Variants in NTRK2 observed in about 807,000 individuals in gnomAD.
The protein encoded by NTRK2 is BDNF/NT-3 growth factors receptor.
In NTRK2, 13 loss-of-function variants were observed where a neutral mutation model predicts 94.5. The observed-to-expected ratio is 0.14, with a 90% CI of 0.09 to 0.22. NTRK2 has a LOEUF of 0.22. Among genes scored for constraint, NTRK2 ranks in the 10% least tolerant of loss-of-function variants. NTRK2 has a pLI of 1.00. For missense variants in NTRK2, 639 were observed against 1,071.2 expected (o/e 0.60, Z 5.63); for synonymous variants, 372 against 407.4 (o/e 0.91, Z 1.05).
intron 2 of NTRK2, among the ~76,000 whole-genome samples, chr9:84,678,163 A>AT (rs1319050510): frequency 1.3e-5 from 2 of 152,228 alleles, no homozygotes; most frequent in East Asian, 3.9e-4. Flanking sequence ...GAGTTGTAAA[A>AT]TTTTCTGAAT....
chr9:84,902,195 A>T (rs538922920), intron 14 of NTRK2, among the ~76,000 whole-genome samples: 101 of 142,990 alleles, frequency 7.1e-4, no homozygotes, highest in African/African-American at 2.6e-3. Context: ...GATTCTGTCT[A>T]AAAAAAAAAA....
intron 9 of NTRK2, among the ~76,000 whole-genome samples, chr9:84,734,668 A>G (rs1442212011): frequency 6.6e-6 from 1 of 152,124 alleles, no homozygotes; most frequent in Non-Finnish European, 1.5e-5. Context: ...TGGTTTGATG[A>G]AAGGAAGTTC....
chr9:84,999,515 T>C (rs1343358259), intron 17 of NTRK2, among the ~76,000 whole-genome samples: 1 of 152,240 alleles, frequency 6.6e-6, no homozygotes, highest in Non-Finnish European at 1.5e-5. Flanking sequence ...GTACTATTGC[T>C]ATACTGATAC....
At chr9:84,728,730 T>A (rs1421409309) in intron 9 of NTRK2, among the ~76,000 whole-genome samples, 1 of 152,142 alleles carries the variant, frequency 6.6e-6, no homozygotes, top group East Asian at 1.9e-4. Context: ...TAATAGTGCT[T>A]CTCTGGCCAA....
intron 14 of NTRK2, among the ~76,000 whole-genome samples, chr9:84,891,505 A>G (rs1469430748): frequency 2.0e-5 from 3 of 152,192 alleles, no homozygotes; most frequent in African/African-American, 7.2e-5. Context: ...GAACTCTTGT[A>G]TAAGCTGTGG....
intron 12 of NTRK2, among the ~76,000 whole-genome samples, chr9:84,801,479 T>C (rs1277391085): frequency 6.6e-6 from 1 of 152,170 alleles, no homozygotes; most frequent in East Asian, 1.9e-4. Context: ...TGATGAGCAT[T>C]CAGTAGAAAG....
chr9:84,800,785 C>T (rs760775383), intron 12 of NTRK2, among the ~76,000 whole-genome samples: 1 of 152,144 alleles, frequency 6.6e-6, no homozygotes, highest in Non-Finnish European at 1.5e-5. Flanking sequence ...GGGCACGAGC[C>T]CACCCTGTAG....
intron 9 of NTRK2, among the ~76,000 whole-genome samples, chr9:84,734,631 AC>A (rs1397257973): frequency 6.6e-6 from 1 of 152,174 alleles, no homozygotes; most frequent in Non-Finnish European, 1.5e-5. Flanking sequence ...TGTTCTCATG[AC>A]AGTGAATAAG....
At position 84,867,417 on chromosome 9, in the gene NTRK2, T is replaced by A. The variant is rs1201591880; in HGVS notation, c.1619T>A (p.Leu540His). 2.5e-6 allele frequency: 4 copies of A among 1,613,626 alleles called. No individual in the cohort carries two copies. The South Asian group carries it at 4.4e-5, about 18-fold the overall frequency. Reference sequence around the variant, plus strand: ...TACTTTGGCATCACCAACAGTCAGCTCAAGCCAGACACATGTAAGTACAGC... The same window carrying A: ...TACTTTGGCATCACCAACAGTCAGCACAAGCCAGACACATGTAAGTACAGC... ...PQYFGITNSQ[L>H]KPDTFVQHIK... is the part of the protein sequence containing the mutation. The change falls in exon 14 of 19, where the codon CTC (leucine) becomes CAC (histidine). Residue 540 changes from leucine (L) to histidine (H), a missense_variant. Coordinates refer to ENST00000277120, the MANE Select transcript of NTRK2 (RefSeq NM_006180.6).
At chr9:84,947,354 G>A (rs1378481313) in intron 15 of NTRK2, among the ~76,000 whole-genome samples, 2 of 152,192 alleles carry the variant, frequency 1.3e-5, no homozygotes, top group African/African-American at 4.8e-5. Flanking sequence ...AGTTACATCT[G>A]CAAAGCTGCA....
At chr9:84,963,229 T>C (rs1177828995) in intron 17 of NTRK2, among the ~76,000 whole-genome samples, 1 of 152,220 alleles carries the variant, frequency 6.6e-6, no homozygotes, top group Non-Finnish European at 1.5e-5. Flanking sequence ...TTGTACCTCA[T>C]TGGCCAGAGG....
At position 84,843,977 on chromosome 9, in the gene NTRK2, A is replaced by G. The variant is rs187398958; in HGVS notation, c.1397-17063A>G. Among the ~76,000 whole-genome samples, 506 of 152,320 alleles carry G rather than the reference A, an allele frequency of 3.3e-3. 1 individual carries two copies. Among genetic ancestry groups the G allele is most frequent in the African/African-American group, 8.4e-3 (349 of 41,580 alleles). ...TTGACAAGACATAGAGGCAAGACAC[A>G]GCACAATATGAACATTGAGCTACCA... On this transcript the variant is annotated intron_variant, in intron 12 of 18. Transcript: ENST00000277120.
intron 12 of NTRK2, among the ~76,000 whole-genome samples, chr9:84,844,728 T>A (rs544125865): frequency 6.6e-6 from 1 of 152,064 alleles, no homozygotes; most frequent in African/African-American, 2.4e-5. Context: ...TATTCGTGGC[T>A]ATTGCTATTG....
In NTRK2 at chr9:84,916,468, A is replaced by G. The variant is rs527583080; in HGVS notation, c.1634-17694A>G. 2.7e-4 allele frequency among the ~76,000 whole-genome samples: 41 copies of G among 152,266 alleles called. No individual in the cohort carries two copies. The South Asian group carries it at 7.9e-3, about 29-fold the overall frequency. ...GGTACTGTTTCCCACTAGACCCACA[A>G]TCCTCTCAACATAATGTCCCATGCA... On this transcript the variant is annotated intron_variant, in intron 14 of 18. Coordinates refer to ENST00000277120, the MANE Select transcript of NTRK2 (RefSeq NM_006180.6).
intron 2 of NTRK2, among the ~76,000 whole-genome samples, chr9:84,671,856 C>A (rs187989530): frequency 2.6e-5 from 4 of 152,368 alleles, no homozygotes; most frequent in African/African-American, 7.2e-5. Flanking sequence ...CATCACCAAG[C>A]AAGAACTTGC....
chr9:84,923,317 C>T (rs764825406), intron 14 of NTRK2, among the ~76,000 whole-genome samples: 3 of 152,188 alleles, frequency 2.0e-5, no homozygotes, highest in Non-Finnish European at 4.4e-5. Flanking sequence ...TGCCCAGCTG[C>T]AGAACACTTT....
intron 17 of NTRK2, among the ~76,000 whole-genome samples, chr9:84,985,456 A>G (rs925164194): frequency 7.2e-5 from 11 of 152,244 alleles, no homozygotes; most frequent in Admixed American, 2.0e-4. Context: ...GCTGAAAGCC[A>G]GGATTTGAAC....
At chr9:84,874,179 A>G in intron 14 of NTRK2, 1 of 1,065,174 alleles carries the variant, frequency 9.4e-7, no homozygotes, top group Non-Finnish European at 1.1e-6. Flanking sequence ...GTGCTAGTAG[A>G]TTGTGGACCA....
chr9:84,686,556 C>T (rs1294363820), intron 2 of NTRK2, among the ~76,000 whole-genome samples: 1 of 152,168 alleles, frequency 6.6e-6, no homozygotes, highest in African/African-American at 2.4e-5. Flanking sequence ...TGTGAGATTT[C>T]GGATGTGATT....
Sources: allele counts gnomAD v4.1 joint callset (sites outside exome capture counted in the v4.1 genomes callset), GRCh38; gene constraint gnomAD v4.1.1; transcripts MANE v1.5; gene names NCBI Gene and HGNC (gene_info 2026-07-23, HGNC 2026-07-21).